Variants in PPM1H observed in about 807,000 individuals in gnomAD.
PPM1H encodes the protein protein phosphatase 1H.
A neutral mutation model predicts 54.9 loss-of-function variants in PPM1H; 27 were observed. The ratio of observed to expected loss-of-function variants is 0.49; its 90% confidence interval spans 0.36 to 0.68. The LOEUF (loss-of-function observed/expected upper bound fraction) is 0.68, where lower values mean the gene tolerates loss of function less well. Among genes scored for constraint, PPM1H ranks in the 30% least tolerant of loss-of-function variants. The probability of loss-of-function intolerance (pLI) is 0.00; values close to 1 mark genes in which losing one functional copy is unlikely to be tolerated. For missense variants in PPM1H, 596 were observed against 667.8 expected, an observed-to-expected ratio of 0.89 and a Z score of 1.19; for synonymous variants, 305 against 270.8, an observed-to-expected ratio of 1.13 and a Z score of -1.24.
intron 1 of PPM1H, among the ~76,000 whole-genome samples, chr12:62,871,268 A>T (rs564986379): frequency 7.0e-6 from 1 of 142,254 alleles, no homozygotes; most frequent in East Asian, 2.2e-4. Flanking sequence ...ATACTATGCT[A>T]AGTGAAAGAA....
At chr12:62,899,161 A>C (rs907428591) in intron 1 of PPM1H, among the ~76,000 whole-genome samples, 1 of 152,190 alleles carries the variant, frequency 6.6e-6, no homozygotes, top group Non-Finnish European at 1.5e-5. Flanking sequence ...ACAAAAGACT[A>C]CTTTTTCCCT....
chr12:62,788,613 T>G, intron 3 of PPM1H: 1 of 322,048 alleles, frequency 3.1e-6, no homozygotes. Context: ...ATGTAAGTTG[T>G]ATTCAGTAAA....
chr12:62,679,617 T>C (rs1447399486), intron 8 of PPM1H, among the ~76,000 whole-genome samples: 1 of 152,182 alleles, frequency 6.6e-6, no homozygotes, highest in Non-Finnish European at 1.5e-5. Flanking sequence ...TGTTTATTAA[T>C]GAGAAAAAAA....
chr12:62,926,895 A>T (rs1871986555), intron 1 of PPM1H, among the ~76,000 whole-genome samples: 1 of 152,238 alleles, frequency 6.6e-6, no homozygotes, highest in Admixed American at 6.5e-5. Context: ...CGGAGGTTGC[A>T]GTGAGCCAAG....
intron 6 of PPM1H, among the ~76,000 whole-genome samples, chr12:62,702,250 C>A (rs1019058775): frequency 6.6e-6 from 1 of 152,102 alleles, no homozygotes; most frequent in African/African-American, 2.4e-5. Flanking sequence ...ATTTATGATT[C>A]TCTCGTCTAT....
rs34587900 is a variant in PPM1H, at chr12:62,878,626, T to TAAAAAAAAA, written c.246-46356_246-46348dup. On this transcript the variant is annotated intron_variant, in intron 1 of 9. Coordinates refer to ENST00000228705, the MANE Select transcript of PPM1H (RefSeq NM_020700.2). ...TTTTGTTTGAAACAATGATTACGCT[T>TAAAAAAAAA]AAAAAAAAAAAAAAAAAAAAAAAAA... Among the ~76,000 whole-genome samples, 2 of 81,564 alleles carry TAAAAAAAAA rather than the reference T, an allele frequency of 2.5e-5. 1 individual carries two copies. The highest frequency in any genetic ancestry group is 1.0e-4 in the African/African-American group (2 of 19,722). 53.5% of individuals were successfully genotyped at this position (81,564 alleles called of 152,430 possible). A position where few individuals can be genotyped will look rare whatever the true frequency, so the allele number is the denominator to read the frequency against.
intron 1 of PPM1H, among the ~76,000 whole-genome samples, chr12:62,932,628 C>CTTTTT (rs61003358): frequency 0.028 from 1,531 of 53,908 alleles, 383 homozygotes; most frequent in Non-Finnish European, 0.033. Flanking sequence ...TCCAAATGGG[C>CTTTTT]TTTTTTTTTT....
intron 9 of PPM1H, among the ~76,000 whole-genome samples, chr12:62,656,218 C>A (rs1037402857): frequency 2.6e-5 from 4 of 152,184 alleles, no homozygotes; most frequent in African/African-American, 9.7e-5. Flanking sequence ...GCCCAGGTTC[C>A]AATCCTGGCT....
intron 4 of PPM1H, among the ~76,000 whole-genome samples, chr12:62,768,999 C>T (rs1449699787): frequency 6.6e-6 from 1 of 152,160 alleles, no homozygotes; most frequent in East Asian, 1.9e-4. Context: ...TGTATATATT[C>T]AGATACCTAT....
chr12:62,899,489 C>T (rs1454377124), intron 1 of PPM1H, among the ~76,000 whole-genome samples: 4 of 152,198 alleles, frequency 2.6e-5, no homozygotes, highest in Non-Finnish European at 5.9e-5. Flanking sequence ...GCTAAGTTTA[C>T]AAAAGTCTGA....
chr12:62,737,490 G>T lies in PPM1H; in HGVS notation c.954+12C>A. On this transcript the variant is annotated intron_variant, in intron 5 of 9. Transcript: ENST00000228705. ...ATGCCACTGCCCTCTGCCAAGCCTA[G>T]ATGACTCTTACCAGGTACTGAAGTC... 1 of 1,532,814 alleles carries T rather than the reference G, an allele frequency of 6.5e-7. No individual in the cohort carries two copies. Among genetic ancestry groups the T allele is most frequent in the Non-Finnish European group, 8.9e-7 (1 of 1,126,192 alleles). 95.0% of individuals were successfully genotyped at this position (1,532,814 alleles called of 1,614,324 possible).
intron 2 of PPM1H, among the ~76,000 whole-genome samples, chr12:62,818,271 G>T (rs76900894): frequency 0.017 from 2,635 of 152,112 alleles, 88 homozygotes; most frequent in African/African-American, 0.06. Context: ...TCTCATTCCT[G>T]GAATGACTAA....
At chr12:62,828,687 C>G (rs1868316474) in intron 2 of PPM1H, among the ~76,000 whole-genome samples, 1 of 152,178 alleles carries the variant, frequency 6.6e-6, no homozygotes, top group Non-Finnish European at 1.5e-5. Flanking sequence ...ATAGCAGGTG[C>G]TCAGTGATTT....
chr12:62,825,305 C>T (rs1868278349), intron 2 of PPM1H, among the ~76,000 whole-genome samples: 1 of 152,158 alleles, frequency 6.6e-6, no homozygotes, highest in Admixed American at 6.5e-5. Flanking sequence ...CTAGTTCAAC[C>T]ATTGTGGAAG....
At chr12:62,928,091 T>C (rs954574730) in intron 1 of PPM1H, among the ~76,000 whole-genome samples, 9 of 152,220 alleles carry the variant, frequency 5.9e-5, no homozygotes, top group Admixed American at 5.2e-4. Context: ...ATTAAATCCT[T>C]ATACATAAAG....
intron 1 of PPM1H, among the ~76,000 whole-genome samples, chr12:62,852,708 C>T (rs926552033): frequency 1.3e-5 from 2 of 152,146 alleles, no homozygotes; most frequent in Non-Finnish European, 2.9e-5. Flanking sequence ...CGTGGTGCCA[C>T]CTCACAGATT....
chr12:62,916,387 G>T (rs1243797735), intron 1 of PPM1H, among the ~76,000 whole-genome samples: 1 of 152,092 alleles, frequency 6.6e-6, no homozygotes, highest in African/African-American at 2.4e-5. Flanking sequence ...AACATCTTCT[G>T]TTTTGGTATC....
rs377085423 is a variant in PPM1H at position 62,788,329 on chromosome 12, T to C, written c.766A>G (p.Ile256Val). 3.8e-6 allele frequency: 6 copies of C among 1,560,766 alleles called. No individual in the cohort carries two copies. The highest frequency in any genetic ancestry group is 1.7e-4 in the Middle Eastern group (1 of 5,952). Reference sequence around the variant, plus strand: ...TTATATGAACTCCTCTCTCGTTCTATCTGTAGGTCCTGGAGAATAAAACAG... The same window carrying C: ...TTATATGAACTCCTCTCTCGTTCTACCTGTAGGTCCTGGAGAATAAAACAG... ...ESAFKEMDLQ[I>V]ERERSSYNIS... Residue 256 changes from isoleucine to valine, a missense_variant, in exon 4 of 10, where the codon ATA becomes GTA. Ile to Val is a conservative substitution (Grantham distance 29). This residue lies in a region of PPM1H where 382 missense variants were observed against 387.1 expected (regional missense o/e 0.99). Transcript: ENST00000228705.
At chr12:62,824,975 T>C (rs1357889400) in intron 2 of PPM1H, among the ~76,000 whole-genome samples, 1 of 151,894 alleles carries the variant, frequency 6.6e-6, no homozygotes, top group Non-Finnish European at 1.5e-5. Flanking sequence ...ACCTACAGAA[T>C]GGGAGAAATT....
Sources: allele counts gnomAD v4.1 joint callset (sites outside exome capture counted in the v4.1 genomes callset), GRCh38; gene constraint gnomAD v4.1.1; regional missense constraint gnomAD v4.1.1; transcripts MANE v1.5; gene names NCBI Gene and HGNC (gene_info 2026-07-23, HGNC 2026-07-21).